The following MPDZ variants were observed in gnomAD, a reference collection of about 807,000 sequenced individuals.
MPDZ encodes multiple PDZ domain crumbs cell polarity complex component, also known as multiple PDZ domain protein.
In MPDZ, 234 loss-of-function variants were observed where a neutral mutation model predicts 239.1. The observed-to-expected ratio is 0.98, with a 90% CI of 0.88 to 1.09. MPDZ has a LOEUF of 1.09. Ranked by LOEUF, MPDZ falls within the 50% of genes least tolerant of loss-of-function variation. The pLI, the probability that MPDZ is intolerant of heterozygous loss-of-function variation, is 0.00. For missense variants in MPDZ, 3,175 were observed against 2,510.0 expected, an observed-to-expected ratio of 1.26 and a Z score of -5.66; for synonymous variants, 1,048 against 881.3, an observed-to-expected ratio of 1.19 and a Z score of -3.35.
intron 3 of MPDZ, among the ~76,000 whole-genome samples, chr9:13,227,372 A>T (rs2136529268): frequency 6.6e-6 from 1 of 152,070 alleles, no homozygotes; most frequent in Non-Finnish European, 1.5e-5. Flanking sequence ...TTATGCCAAG[A>T]TTGATTTTTT....
rs180823337 is a variant in MPDZ, at chr9:13,244,206, T to A, written c.183+3429A>T. Among the ~76,000 whole-genome samples the A allele has an allele frequency of 4.6e-5, 7 of 152,330 alleles. No homozygotes were observed. The East Asian group carries it at 1.4e-3, about 29-fold the overall frequency. ...TCAAGAGAGTAGCATCCACCTATAC[T>A]GGACTGGAGAAACTTCATAGAATAA... On this transcript the variant is annotated intron_variant, in intron 3 of 46. Transcript: ENST00000319217.
chr9:13,277,520 A>G (rs1487108852), intron 1 of MPDZ, among the ~76,000 whole-genome samples: 1 of 152,112 alleles, frequency 6.6e-6, no homozygotes, highest in Non-Finnish European at 1.5e-5. Context: ...GTATTAGAAG[A>G]TCAAGTCAAG....
At chr9:13,278,274 C>T (rs549140297) in intron 1 of MPDZ, among the ~76,000 whole-genome samples, 2 of 152,178 alleles carry the variant, frequency 1.3e-5, no homozygotes, top group Non-Finnish European at 2.9e-5. Context: ...TAGCCTCCAA[C>T]CGCAGCCCCT....
intron 39 of MPDZ, among the ~76,000 whole-genome samples, chr9:13,116,808 AG>A (rs1943525742): frequency 6.6e-6 from 1 of 152,212 alleles, no homozygotes; most frequent in African/African-American, 2.4e-5. Context: ...AGATGGGGGA[AG>A]AAAAGGACCC....
At chr9:13,264,773 T>A (rs1971447988) in intron 1 of MPDZ, among the ~76,000 whole-genome samples, 1 of 152,166 alleles carries the variant, frequency 6.6e-6, no homozygotes, top group South Asian at 2.1e-4. Context: ...AATGTATCTC[T>A]ATTGGACAGG....
At chr9:13,115,787 T>C (rs563646259) in intron 39 of MPDZ, among the ~76,000 whole-genome samples, 20 of 151,376 alleles carry the variant, frequency 1.3e-4, no homozygotes, top group Non-Finnish European at 2.7e-4. Flanking sequence ...CTACTAAAAA[T>C]ACAAAAAAAT....
At chr9:13,166,608 GT>G (rs1250392528) in intron 22 of MPDZ, among the ~76,000 whole-genome samples, 1 of 152,046 alleles carries the variant, frequency 6.6e-6, no homozygotes, top group African/African-American at 2.4e-5. Context: ...AGGAGGGAAG[GT>G]TGTACGATTT....
intron 39 of MPDZ, among the ~76,000 whole-genome samples, chr9:13,116,944 C>G (rs1262100461): frequency 6.6e-6 from 1 of 152,074 alleles, no homozygotes; most frequent in Non-Finnish European, 1.5e-5. Context: ...CAGTAGTCCC[C>G]CTTTATTATA....
At chr9:13,107,476 A>G (rs1941670139) in intron 46 of MPDZ, among the ~76,000 whole-genome samples, 1 of 152,162 alleles carries the variant, frequency 6.6e-6, no homozygotes, top group South Asian at 2.1e-4. Context: ...TGTAAATAAG[A>G]CCTACAGAAA....
intron 23 of MPDZ, among the ~76,000 whole-genome samples, chr9:13,161,933 T>C (rs896029535): frequency 1.3e-5 from 2 of 152,104 alleles, no homozygotes; most frequent in African/African-American, 2.4e-5. Context: ...CGGGTTCAGC[T>C]CAACATTCTC....
intron 10 of MPDZ, among the ~76,000 whole-genome samples, chr9:13,206,915 G>T (rs1484271242): frequency 1.3e-5 from 2 of 152,068 alleles, no homozygotes. Context: ...CAGGGCTCAA[G>T]GGATCCTCCC....
intron 12 of MPDZ, among the ~76,000 whole-genome samples, chr9:13,197,966 T>C (rs1955861726): frequency 6.6e-6 from 1 of 152,178 alleles, no homozygotes. Flanking sequence ...ATTGTGTATA[T>C]ACACCACACT....
chr9:13,124,704 T>C (rs755051650), intron 35 of MPDZ, among the ~76,000 whole-genome samples: 19 of 152,144 alleles, frequency 1.2e-4, no homozygotes, highest in Admixed American at 1.2e-3. Flanking sequence ...CTCAGATCTG[T>C]AGATCATGGC....
chr9:13,250,560 A>G (rs545210446), intron 1 of MPDZ, among the ~76,000 whole-genome samples, 188 bp from the exon 2 acceptor site: 2 of 152,212 alleles, frequency 1.3e-5, no homozygotes, highest in African/African-American at 2.4e-5. Context: ...ATTATCTTCT[A>G]TGTATATATT....
intron 1 of MPDZ, among the ~76,000 whole-genome samples, chr9:13,278,079 T>C (rs971326464): frequency 2.0e-5 from 3 of 152,174 alleles, no homozygotes; most frequent in African/African-American, 7.2e-5. Flanking sequence ...AAGGGTAACC[T>C]AAACCAGGAA....
In MPDZ at chr9:13,217,258, T is replaced by A; in HGVS notation, c.1123A>T (p.Thr375Ser). The A allele has an allele frequency of 3.1e-6, 5 of 1,602,580 alleles. No homozygotes were observed. Among genetic ancestry groups the A allele is most frequent in the East Asian group, 2.2e-5 (1 of 44,454 alleles). ...ASTQKGEESETFDVELTKNVQ... is the reference protein window; with the variant it reads ...ASTQKGEESESFDVELTKNVQ... ...TTTTTAGTGAGTTCTACATCAAATG[T>A]CTCACTTTCTTCACCTTTCTGAGTA... The change falls in exon 9 of 47, where the codon ACA (threonine) becomes TCA (serine). Residue 375 changes from threonine (T) to serine (S), a missense_variant. Physicochemically the swap from Thr to Ser is moderately conservative, Grantham distance 58. Transcript: ENST00000319217.
chr9:13,193,546 A>C (rs907998990), intron 13 of MPDZ, among the ~76,000 whole-genome samples: 25 of 152,148 alleles, frequency 1.6e-4, no homozygotes, highest in African/African-American at 5.8e-4. Context: ...AGCTCCCATT[A>C]CATAGGTCTC....
intron 13 of MPDZ, among the ~76,000 whole-genome samples, chr9:13,195,815 A>G (rs2135255368): frequency 6.6e-6 from 1 of 152,294 alleles, no homozygotes; most frequent in East Asian, 1.9e-4. Flanking sequence ...TCTATAAATC[A>G]TAGGTTTAAA....
chr9:13,278,254 T>C (rs137856989), intron 1 of MPDZ, among the ~76,000 whole-genome samples: 330 of 152,222 alleles, frequency 2.2e-3, no homozygotes, highest in African/African-American at 7.5e-3. Flanking sequence ...TGATGATACC[T>C]AGGAAACACT....
Sources: allele counts gnomAD v4.1 joint callset (sites outside exome capture counted in the v4.1 genomes callset), GRCh38; gene constraint gnomAD v4.1.1; transcripts MANE v1.5; gene names NCBI Gene and HGNC (gene_info 2026-07-23, HGNC 2026-07-21).